The following TSPAN2 variants were observed in gnomAD, a reference collection of about 807,000 sequenced individuals.
TSPAN2 encodes tetraspanin 2, also known as tetraspanin-2.
Under a neutral mutation model 33.3 loss-of-function variants are expected in TSPAN2, and 24 were observed. That is an observed-to-expected ratio of 0.72 (90% CI 0.52 to 1.01). The LOEUF (loss-of-function observed/expected upper bound fraction) is 1.01. TSPAN2 is among the 50% of genes least tolerant of loss of function. TSPAN2 has a pLI of 0.00. For synonymous variants in TSPAN2, 114 were observed against 104.5 expected, an observed-to-expected ratio of 1.09 and a Z score of -0.56; for missense variants, 278 against 281.3, an observed-to-expected ratio of 0.99 and a Z score of 0.08.
rs946495805 is a variant in TSPAN2 at position 115,056,053 on chromosome 1, T to C, written c.516+1484A>G. On this transcript the variant is annotated intron_variant, in intron 6 of 7. Coordinates refer to ENST00000369516, the MANE Select transcript of TSPAN2 (RefSeq NM_005725.6). Reference sequence around the variant, plus strand: ...TACTTAATCCTCTAGTCTTACATAGTCATACTGACCTTTAAAACTATTTAC... The same window carrying C: ...TACTTAATCCTCTAGTCTTACATAGCCATACTGACCTTTAAAACTATTTAC... Among the ~76,000 whole-genome samples, 7 of 152,280 alleles carry C rather than the reference T, an allele frequency of 4.6e-5. No individual in the cohort carries two copies. In the East Asian group the frequency reaches 1.4e-3, roughly 29 times the overall value.
chr1:115,061,292 A>G (rs888212628), intron 3 of TSPAN2, among the ~76,000 whole-genome samples: 6 of 152,228 alleles, frequency 3.9e-5, no homozygotes, highest in Non-Finnish European at 5.9e-5. Context: ...CTGTGGAGAA[A>G]TATCAACACT....
rs1230831053 is a variant in TSPAN2 at position 115,060,586 on chromosome 1, A to G, written c.271-48T>C. Reference sequence around the variant, plus strand: ...ATTTCATTAATTTAATACCTTTTCAATTTATATATTTTGCACCTTAGTTTC... The same window carrying G: ...ATTTCATTAATTTAATACCTTTTCAGTTTATATATTTTGCACCTTAGTTTC... On this transcript the variant is annotated intron_variant, in intron 3 of 7. Coordinates refer to ENST00000369516, the MANE Select transcript of TSPAN2 (RefSeq NM_005725.6). 5.4e-6 allele frequency: 8 copies of G among 1,478,798 alleles called. 1 individual carries two copies. The South Asian group carries it at 8.4e-5, about 16-fold the overall frequency. The allele number at this position is 1,478,798 out of a possible 1,614,324, so 91.6% of individuals were successfully genotyped here.
Position 115,060,086 on chromosome 1 carries a change from G to C in TSPAN2, c.345+378C>G, listed in dbSNP as rs550522817. On this transcript the variant is annotated intron_variant, in intron 4 of 7. Coordinates refer to ENST00000369516, the MANE Select transcript of TSPAN2 (RefSeq NM_005725.6). ...TTGAGAATGAAATGGACCCATCCAG[G>C]CCAATCCTTAAGGACAAATGGCAGT... Among the ~76,000 whole-genome samples the C allele has an allele frequency of 2.6e-5, 4 of 152,232 alleles. No individual in the cohort carries two copies. The South Asian group carries it at 6.2e-4, about 24-fold the overall frequency.
In TSPAN2 at chr1:115,054,759, C is replaced by T. The variant is rs573974996; in HGVS notation, c.517-1297G>A. ...TCCCAGCACTTGGGAGGCCGAGATGCGTGGATCACCTAAGGTCAGGAGATC... is the reference window on the plus strand; with the variant it reads ...TCCCAGCACTTGGGAGGCCGAGATGTGTGGATCACCTAAGGTCAGGAGATC... On this transcript the variant is annotated intron_variant, in intron 6 of 7. Transcript: ENST00000369516. Among the ~76,000 whole-genome samples, 6 of 152,100 alleles carry T rather than the reference C, an allele frequency of 3.9e-5. No individual in the cohort carries two copies. The South Asian group carries it at 1.0e-3, about 26-fold the overall frequency.
At chr1:115,069,491 G>A (rs1648079929) in intron 2 of TSPAN2, among the ~76,000 whole-genome samples, 1 of 152,224 alleles carries the variant, frequency 6.6e-6, no homozygotes, top group South Asian at 2.1e-4. Context: ...GAGTCACTCT[G>A]GAAGTGGAGC....
rs1464158718 is a variant in TSPAN2, at chr1:115,089,490, C to A, written c.-58G>T. The stretch of plus-strand genomic sequence containing the variant: ...AGGCCCGCGCTACGAGCGCGGGGAG[C>A]GGCAGGCTCCGGCGGGGAGGGGGCG... On this transcript the variant is annotated 5_prime_UTR_variant, in exon 1 of 8. Transcript: ENST00000369516. 4.9e-6 allele frequency: 6 copies of A among 1,214,242 alleles called. No homozygotes were observed. Among genetic ancestry groups the A allele is most frequent in the African/African-American group, 1.6e-5 (1 of 62,444 alleles). 75.2% of individuals were successfully genotyped at this position (1,214,242 alleles called of 1,614,324 possible). A position where few individuals can be genotyped will look rare whatever the true frequency, so the allele number is the denominator to read the frequency against.
chr1:115,056,129 A>G (rs1270001777), intron 6 of TSPAN2, among the ~76,000 whole-genome samples: 1 of 152,228 alleles, frequency 6.6e-6, no homozygotes, highest in African/African-American at 2.4e-5. Context: ...ACTGTGTATT[A>G]TTGTTAAGGG....
intron 2 of TSPAN2, among the ~76,000 whole-genome samples, chr1:115,071,210 C>T (rs780411796): frequency 1.2e-4 from 18 of 152,124 alleles, no homozygotes; most frequent in African/African-American, 3.9e-4. Flanking sequence ...CATAGTAATT[C>T]GCTTCTTGGC....
intron 1 of TSPAN2, among the ~76,000 whole-genome samples, chr1:115,082,565 A>C (rs1192777241): frequency 6.6e-6 from 1 of 152,256 alleles, no homozygotes; most frequent in African/African-American, 2.4e-5. Flanking sequence ...TCCTGAAATT[A>C]ACTTTTTAAA....
At position 115,058,911 on chromosome 1, in the gene TSPAN2, T is replaced by C. The variant is rs1265919138; in HGVS notation, c.416A>G (p.Asn139Ser). 6.2e-6 allele frequency: 10 copies of C among 1,613,892 alleles called. No homozygotes were observed. Among genetic ancestry groups the C allele is most frequent in the African/African-American group, 1.3e-5 (1 of 74,920 alleles). ...TGAGTGGAAGGTGATGAGTGTCCCA[T>C]TGCCTTTTCCCCTGTCTTTAAGGTA... Reference protein sequence around the residue: ...NDYLKDRGKGNGTLITFHSTF... With the variant: ...NDYLKDRGKGSGTLITFHSTF... The change falls in exon 5 of 8, where the codon AAT (asparagine) becomes AGT (serine). Residue 139 changes from asparagine (N) to serine (S), a missense_variant. Transcript: ENST00000369516.
chr1:115,054,280 A>C (rs1279069077), intron 6 of TSPAN2, among the ~76,000 whole-genome samples: 1 of 152,200 alleles, frequency 6.6e-6, no homozygotes, highest in Admixed American at 6.5e-5. Flanking sequence ...CATCTGAGCT[A>C]TATAAAACCC....
At chr1:115,089,318 C>CCCCAGCCCAG in intron 1 of TSPAN2, 46 bp downstream of exon 1, 4 of 1,456,346 alleles carry the variant, frequency 2.7e-6, no homozygotes, top group Non-Finnish European at 2.8e-6. Flanking sequence ...CCGCGCCCGC[C>CCCCAGCCCAG]ACCCGGCCCC....
chr1:115,057,403 T>G (rs1263302687), intron 6 of TSPAN2, 134 bp downstream of exon 6: 2 of 839,842 alleles, frequency 2.4e-6, no homozygotes, highest in African/African-American at 3.4e-5. Context: ...CTATTCATTT[T>G]CCATCAATCC....
rs776418587 is a variant in TSPAN2 at position 115,057,536 on chromosome 1, C to T, written c.516+1G>A. The T allele has an allele frequency of 4.3e-6, 7 of 1,613,970 alleles. No individual in the cohort carries two copies. The South Asian group carries it at 7.7e-5, about 18-fold the overall frequency. ...GAGTAAGAACCTTGGTAGAAGCTTA[C>T]CTTGTGTCCTAGAAGCTCCTTTGGG... On this transcript the variant is annotated splice_donor_variant, in intron 6 of 7. Coordinates refer to ENST00000369516, the MANE Select transcript of TSPAN2 (RefSeq NM_005725.6). LOFTEE classifies it high-confidence loss of function.
intron 2 of TSPAN2, among the ~76,000 whole-genome samples, chr1:115,064,296 C>A (rs1055732602): frequency 6.6e-6 from 1 of 152,246 alleles, no homozygotes; most frequent in African/African-American, 2.4e-5. Context: ...GCGGCAGCAA[C>A]AACACCATAT....
At chr1:115,077,451 T>C (rs1648460578) in intron 1 of TSPAN2, among the ~76,000 whole-genome samples, 2 of 152,228 alleles carry the variant, frequency 1.3e-5, no homozygotes, top group Non-Finnish European at 2.9e-5. Flanking sequence ...GGGCAAGTTC[T>C]TTCAGTAGCT....
At chr1:115,055,940 T>A (rs1028308245) in intron 6 of TSPAN2, among the ~76,000 whole-genome samples, 1 of 152,240 alleles carries the variant, frequency 6.6e-6, no homozygotes, top group Non-Finnish European at 1.5e-5. Flanking sequence ...GAGCATGATT[T>A]GCACAAAAAC....
intron 3 of TSPAN2, among the ~76,000 whole-genome samples, chr1:115,061,433 A>G (rs1383351844): frequency 5.3e-5 from 8 of 152,218 alleles, no homozygotes; most frequent in Admixed American, 3.3e-4. Context: ...AAGCCACAAG[A>G]GGGATTTTGG....
At chr1:115,056,559 A>G (rs1647436813) in intron 6 of TSPAN2, among the ~76,000 whole-genome samples, 1 of 152,052 alleles carries the variant, frequency 6.6e-6, no homozygotes, top group African/African-American at 2.4e-5. Context: ...TTTCTGCCCA[A>G]TGCTTGCATA....
Sources: allele counts gnomAD v4.1 joint callset (sites outside exome capture counted in the v4.1 genomes callset), GRCh38; gene constraint gnomAD v4.1.1; transcripts MANE v1.5; gene names NCBI Gene and HGNC (gene_info 2026-07-23, HGNC 2026-07-21).